The following FARP1 variants were observed in gnomAD, a reference collection of about 807,000 sequenced individuals.
The protein encoded by FARP1 is FERM, ARHGEF and pleckstrin domain-containing protein 1.
A neutral mutation model predicts 128.8 loss-of-function variants in FARP1; 52 were observed. The ratio of observed to expected loss-of-function variants is 0.40; its 90% confidence interval spans 0.32 to 0.51. The LOEUF (loss-of-function observed/expected upper bound fraction) is 0.51. Among genes scored for constraint, FARP1 ranks in the 20% least tolerant of loss-of-function variants. The pLI, the probability that FARP1 is intolerant of heterozygous loss-of-function variation, is 0.45. For missense variants in FARP1, 1,333 were observed against 1,367.9 expected, an observed-to-expected ratio of 0.97 and a Z score of 0.40; for synonymous variants, 580 against 551.8, an observed-to-expected ratio of 1.05 and a Z score of -0.72.
At chr13:98,244,848 G>A in intron 2 of FARP1, 2 of 1,457,062 alleles carry the variant, frequency 1.4e-6, no homozygotes, top group Non-Finnish European at 1.8e-6. Flanking sequence ...AGATACAGAT[G>A]TGATCTCAGA....
chr13:98,225,585 C>A (rs1171647858), intron 2 of FARP1, among the ~76,000 whole-genome samples: 1 of 152,208 alleles, frequency 6.6e-6, no homozygotes, highest in African/African-American at 2.4e-5. Context: ...CCCGTCAGGA[C>A]CCTCCCCTGC....
At chr13:98,380,748 T>G (rs1889863094) in intron 6 of FARP1, among the ~76,000 whole-genome samples, 1 of 152,238 alleles carries the variant, frequency 6.6e-6, no homozygotes, top group South Asian at 2.1e-4. Flanking sequence ...TAATTTTTTC[T>G]TTTATTTTTT....
intron 2 of FARP1, among the ~76,000 whole-genome samples, chr13:98,250,604 C>G (rs915437902): frequency 6.6e-6 from 1 of 151,864 alleles, no homozygotes; most frequent in Admixed American, 6.6e-5. Flanking sequence ...GCCTGTAATC[C>G]CAGCTACTTG....
intron 1 of FARP1, among the ~76,000 whole-genome samples, chr13:98,148,452 T>C (rs915688275): frequency 6.6e-6 from 1 of 152,224 alleles, no homozygotes; most frequent in Non-Finnish European, 1.5e-5. Flanking sequence ...TGTTACTGAC[T>C]CCTACCTTAG....
intron 1 of FARP1, among the ~76,000 whole-genome samples, chr13:98,165,710 GTTTTTTTTTTTTTTTTTT>G (rs71111927): frequency 1.2e-3 from 89 of 74,136 alleles, no homozygotes; most frequent in African/African-American, 4.6e-3. Context: ...TCCAGAAGGG[GTTTTTTTTTTTTTTTTTT>G]TTTTTTTTTT....
At position 98,390,878 on chromosome 13, in the gene FARP1, A is replaced by G. The variant is rs371743596; in HGVS notation, c.1086A>G (p.Glu362=). 3.7e-6 allele frequency: 6 copies of G among 1,608,014 alleles called. No individual in the cohort carries two copies. Among genetic ancestry groups the G allele is most frequent in the Non-Finnish European group, 5.1e-6 (6 of 1,174,686 alleles). The change falls in exon 11 of 27, where the codon GAA becomes GAG. Residue 362 remains glutamate, a splice_region_variant and synonymous_variant. Coordinates refer to ENST00000319562, the MANE Select transcript of FARP1 (RefSeq NM_005766.4). ...KEGGHKKVQF[E]RKHSKIHSIR... is the part of the protein sequence containing the mutation. ...GAGGACATAAGAAGGTGCAGTTTGA[A>G]AGGTAAGAGAAGCTTCAATGCTACT...
intron 17 of FARP1, among the ~76,000 whole-genome samples, chr13:98,428,011 C>G (rs1254946191): frequency 6.6e-6 from 1 of 152,040 alleles, no homozygotes; most frequent in East Asian, 1.9e-4. Flanking sequence ...CACTGTTGTC[C>G]AAATGCTTAG....
chr13:98,320,070 C>T (rs1161606998), intron 2 of FARP1, among the ~76,000 whole-genome samples: 1 of 152,168 alleles, frequency 6.6e-6, no homozygotes, highest in East Asian at 1.9e-4. Flanking sequence ...TGTGGTCAGA[C>T]ACCCTGTCTG....
At chr13:98,175,871 T>C (rs1202952031) in intron 1 of FARP1, 2 of 415,970 alleles carry the variant, frequency 4.8e-6, no homozygotes, top group Non-Finnish European at 8.5e-6. Context: ...AAGGATCAGT[T>C]TAAATCTTTA....
intron 2 of FARP1, among the ~76,000 whole-genome samples, chr13:98,269,575 C>T (rs978091168): frequency 2.6e-5 from 4 of 152,358 alleles, no homozygotes; most frequent in East Asian, 1.9e-4. Flanking sequence ...ACATGAGGCT[C>T]ATGAGGGGCC....
intron 5 of FARP1, 97 bp from the exon 6 acceptor site, chr13:98,377,724 G>A: frequency 3.7e-6 from 3 of 814,354 alleles, no homozygotes; most frequent in South Asian, 2.9e-5. Flanking sequence ...TCGTGGTTGG[G>A]GTTTGCATCC....
rs1282675509 is a variant in FARP1 at position 98,392,346 on chromosome 13, AAAAATT to A, written c.1089-1295_1089-1290del. 2.7e-5 allele frequency among the ~76,000 whole-genome samples: 4 copies of A among 149,964 alleles called. No individual in the cohort carries two copies. In the East Asian group the frequency reaches 7.8e-4, roughly 29 times the overall value. On this transcript the variant is annotated intron_variant, in intron 11 of 26. Coordinates refer to ENST00000319562, the MANE Select transcript of FARP1 (RefSeq NM_005766.4). ...CCCAAAAAAAAAAAAAAAAAAAAAAAAAAATTAGCTGGATGTGGTGGTGCATGCCTG... is the reference window on the plus strand; with the variant it reads ...CCCAAAAAAAAAAAAAAAAAAAAAAAAGCTGGATGTGGTGGTGCATGCCTG...
chr13:98,378,138 G>A lies in FARP1; in HGVS notation c.496+220G>A, dbSNP rs1889671882. ...TAACTCTTGTACTTTCTGTTCAGGT[G>A]TTTGTCTTTCTTCAAGGACTAGTAC... On this transcript the variant is annotated intron_variant, in intron 6 of 26. Coordinates refer to ENST00000319562, the MANE Select transcript of FARP1 (RefSeq NM_005766.4). Among the ~76,000 whole-genome samples the A allele has an allele frequency of 2.0e-5, 3 of 152,222 alleles. No individual in the cohort carries two copies. The South Asian group carries it at 6.2e-4, about 31-fold the overall frequency.
chr13:98,213,497 A>T, intron 2 of FARP1, 84 bp downstream of exon 2: 1 of 1,406,014 alleles, frequency 7.1e-7, no homozygotes, highest in Non-Finnish European at 9.7e-7. Context: ...TCCCATGGCC[A>T]GTGACATGAG....
intron 8 of FARP1, 69 bp from the exon 9 acceptor site, chr13:98,388,314 C>G (rs1890175504): frequency 8.1e-7 from 1 of 1,227,668 alleles, no homozygotes; most frequent in South Asian, 1.2e-5. Context: ...CTCCCATAAG[C>G]AAAACAGACC....
chr13:98,305,677 C>T (rs1216678977), intron 2 of FARP1, among the ~76,000 whole-genome samples: 1 of 152,066 alleles, frequency 6.6e-6, no homozygotes, highest in Non-Finnish European at 1.5e-5. Context: ...TTTAAGGACG[C>T]CTTCATCATT....
At chr13:98,429,289 G>A (rs1244792134) in intron 17 of FARP1, among the ~76,000 whole-genome samples, 1 of 152,188 alleles carries the variant, frequency 6.6e-6, no homozygotes, top group Non-Finnish European at 1.5e-5. Flanking sequence ...AGAGTCTCTG[G>A]GTGCGAGAGT....
rs1049477418 is a variant in FARP1 at position 98,213,474 on chromosome 13, A to C, written c.171+61A>C. On this transcript the variant is annotated intron_variant, in intron 2 of 26. Coordinates refer to ENST00000319562, the MANE Select transcript of FARP1 (RefSeq NM_005766.4). ...GTAGGGGACAGCCTTTGGTGTGAGG[A>C]GGTTCGGCTCATTCCCATGGCCAGT... 1.6e-5 allele frequency: 25 copies of C among 1,542,168 alleles called. No homozygotes were observed. The African/African-American group carries it at 3.2e-4, about 20-fold the overall frequency.
intron 3 of FARP1, among the ~76,000 whole-genome samples, chr13:98,359,459 G>A (rs540455633): frequency 1.3e-5 from 2 of 152,280 alleles, no homozygotes; most frequent in Admixed American, 1.3e-4. Context: ...GGGGGAAAAA[G>A]GATGTTTTGA....
Sources: gnomAD v4.1 joint callset for allele counts (sites outside exome capture counted in the v4.1 genomes callset) on GRCh38, gnomAD v4.1.1 for gene constraint, MANE v1.5 for transcripts, NCBI Gene and HGNC (gene_info 2026-07-23, HGNC 2026-07-21) for gene names.